PDE9A: variants seen among roughly 807,000 people sequenced by gnomAD.
PDE9A encodes phosphodiesterase 9A, also known as high affinity cGMP-specific 3',5'-cyclic phosphodiesterase 9A.
PDE9A carries 60 observed loss-of-function variants against 87.4 expected under a neutral mutation model. The observed-to-expected ratio is 0.69, with a 90% CI of 0.56 to 0.85. The LOEUF (loss-of-function observed/expected upper bound fraction) is 0.85. Among genes scored for constraint, PDE9A ranks in the 40% least tolerant of loss-of-function variants. PDE9A has a pLI of 0.00. For missense variants in PDE9A, 665 were observed against 779.0 expected, an observed-to-expected ratio of 0.85 and a Z score of 1.74; for synonymous variants, 272 against 279.4, an observed-to-expected ratio of 0.97 and a Z score of 0.27.
intron 4 of PDE9A, among the ~76,000 whole-genome samples, chr21:42,721,070 A>G (rs1354952344): frequency 6.6e-6 from 1 of 152,020 alleles, no homozygotes; most frequent in Non-Finnish European, 1.5e-5. Flanking sequence ...AGAGCATAGT[A>G]ACAGCTCCTT....
intron 4 of PDE9A, chr21:42,724,480 G>A: frequency 4.9e-6 from 2 of 408,214 alleles, no homozygotes; most frequent in Non-Finnish European, 6.6e-6. Flanking sequence ...CCCACTTCCT[G>A]ATCAGGGCTC....
chr21:42,737,201 G>A (rs943021730), intron 7 of PDE9A, among the ~76,000 whole-genome samples: 1 of 152,218 alleles, frequency 6.6e-6, no homozygotes, highest in Non-Finnish European at 1.5e-5. Context: ...CGATGCACAG[G>A]GCCTGGGCCA....
chr21:42,760,854 C>T lies in PDE9A; in HGVS notation c.1032C>T (p.Ile344=). The part of the protein sequence containing the change: ...QEKFSQTDIL[I]LMTAAICHDL... ...AGTTCTCACAAACGGATATCCTGAT[C>T]CTAATGACAGCGGCCATCTGCCACG... Residue 344 remains isoleucine (I), a synonymous_variant, in exon 13 of 20, where the codon ATC becomes ATT. Coordinates refer to ENST00000291539, the MANE Select transcript of PDE9A (RefSeq NM_002606.3). This position sits in a 1 kb window ranked among gnomAD's most constrained non-coding sequence, Gnocchi z 5.2. 1 of 1,610,426 alleles carries T rather than the reference C, an allele frequency of 6.2e-7. No individual in the cohort carries two copies. The highest frequency in any genetic ancestry group is 2.2e-5 in the East Asian group (1 of 44,740).
intron 3 of PDE9A, chr21:42,689,978 G>C: frequency 4.1e-6 from 4 of 985,188 alleles, no homozygotes; most frequent in Non-Finnish European, 4.8e-6. Flanking sequence ...TGAGGATACA[G>C]GTGAAGAAGA....
Position 42,702,420 on chromosome 21 carries a change from G to A in PDE9A, c.262+3409G>A, listed in dbSNP as rs1473956879. 6.6e-6 allele frequency among the ~76,000 whole-genome samples: 1 copy of A among 151,722 alleles called. No individual in the cohort carries two copies. Among genetic ancestry groups the A allele is most frequent in the Non-Finnish European group, 1.5e-5 (1 of 67,988 alleles). ...CATTATAATTCTGTTTCATGCCATT[G>A]TCTGCTGGTTTCCTCCTCTCTGCCA... On this transcript the variant is annotated intron_variant, in intron 4 of 19. Transcript: ENST00000291539. The surrounding 1 kb of genome is among the most constrained non-coding windows in gnomAD (Gnocchi z 4.9).
At chr21:42,670,475 T>C (rs1402380342) in intron 1 of PDE9A, among the ~76,000 whole-genome samples, 1 of 149,358 alleles carries the variant, frequency 6.7e-6, no homozygotes, top group East Asian at 2.0e-4. Flanking sequence ...CACATAGACT[T>C]ACACACATAC....
intron 6 of PDE9A, among the ~76,000 whole-genome samples, chr21:42,732,544 A>C (rs1435878273): frequency 6.6e-6 from 1 of 152,188 alleles, no homozygotes; most frequent in African/African-American, 2.4e-5. Flanking sequence ...CCATTTCTCA[A>C]ACTGACTTCT....
chr21:42,656,123 C>T (rs1172570504), intron 1 of PDE9A, among the ~76,000 whole-genome samples: 1 of 152,160 alleles, frequency 6.6e-6, no homozygotes, highest in Non-Finnish European at 1.5e-5. Context: ...CTGGAATTTC[C>T]AGCGTGAATC....
chr21:42,666,756 G>A (rs948989773), intron 1 of PDE9A, among the ~76,000 whole-genome samples: 8 of 152,232 alleles, frequency 5.3e-5, no homozygotes, highest in East Asian at 1.9e-4. Context: ...ATATCGTGAA[G>A]TGCTGGGGTC....
intron 3 of PDE9A, among the ~76,000 whole-genome samples, chr21:42,691,311 C>T (rs992098675): frequency 1.3e-5 from 2 of 151,464 alleles, no homozygotes; most frequent in African/African-American, 4.9e-5. Context: ...GTCACGCATC[C>T]TGTCACTATC....
chr21:42,667,110 A>G (rs2058057743), intron 1 of PDE9A, among the ~76,000 whole-genome samples: 2 of 151,708 alleles, frequency 1.3e-5, no homozygotes, highest in Non-Finnish European at 1.5e-5. Flanking sequence ...GCCAGGGGTG[A>G]AGGGCCATGC....
rs920965170 is a variant in PDE9A, at chr21:42,704,353, C to A, written c.262+5342C>A. ...CCCGCCTCTGGGTGCGTGGGGACCCCGCTCTCCAAATAGGCCAGTGTTCCA... is the reference window on the plus strand; with the variant it reads ...CCCGCCTCTGGGTGCGTGGGGACCCAGCTCTCCAAATAGGCCAGTGTTCCA... On this transcript the variant is annotated intron_variant, in intron 4 of 19. Coordinates refer to ENST00000291539, the MANE Select transcript of PDE9A (RefSeq NM_002606.3). The surrounding 1 kb of genome is among the most constrained non-coding windows in gnomAD (Gnocchi z 5.3). Among the ~76,000 whole-genome samples, 1 of 151,942 alleles carries A rather than the reference C, an allele frequency of 6.6e-6. No homozygotes were observed. The highest frequency in any genetic ancestry group is 2.4e-5 in the African/African-American group (1 of 41,344).
intron 4 of PDE9A, among the ~76,000 whole-genome samples, chr21:42,707,004 G>A (rs976940976): frequency 4.6e-5 from 7 of 152,120 alleles, no homozygotes; most frequent in Admixed American, 2.0e-4. Context: ...GCTGTGTCAC[G>A]TGGCTACGTC....
chr21:42,766,229 G>A (rs775208528), intron 15 of PDE9A, among the ~76,000 whole-genome samples: 29 of 152,328 alleles, frequency 1.9e-4, no homozygotes, highest in African/African-American at 4.8e-4. Context: ...TTGGGAGGCA[G>A]AGGTGGGAGG....
intron 1 of PDE9A, among the ~76,000 whole-genome samples, chr21:42,661,199 T>C (rs2057456020): frequency 1.3e-5 from 2 of 152,072 alleles, no homozygotes; most frequent in Admixed American, 6.6e-5. Flanking sequence ...GCCCGGCTAA[T>C]TTTTTATTTT....
At chr21:42,755,684 A>C (rs945654096) in intron 10 of PDE9A, among the ~76,000 whole-genome samples, 1 of 152,234 alleles carries the variant, frequency 6.6e-6, no homozygotes, top group Non-Finnish European at 1.5e-5. Context: ...GGGTCCCTGC[A>C]CAGCTGCTGA....
chr21:42,753,013 AT>A (rs768648233), intron 9 of PDE9A, among the ~76,000 whole-genome samples: 10 of 151,436 alleles, frequency 6.6e-5, no homozygotes, highest in Non-Finnish European at 1.3e-4. Flanking sequence ...CCCTTTTTTT[AT>A]TATTATTTTT....
chr21:42,657,401 C>T (rs527705475), intron 1 of PDE9A, among the ~76,000 whole-genome samples: 1 of 152,354 alleles, frequency 6.6e-6, no homozygotes, highest in East Asian at 1.9e-4. Context: ...GGTCCCCAAA[C>T]CTAGGGTGCT....
intron 1 of PDE9A, among the ~76,000 whole-genome samples, chr21:42,684,939 T>G (rs2059365022): frequency 6.6e-6 from 1 of 151,870 alleles, no homozygotes; most frequent in Non-Finnish European, 1.5e-5. Flanking sequence ...TTTTCTATAT[T>G]TCACTGTTTC....
Sources: gnomAD v4.1 joint callset for allele counts (sites outside exome capture counted in the v4.1 genomes callset) on GRCh38, gnomAD v4.1.1 for gene constraint, Gnocchi (gnomAD v3.1) non-coding constraint, MANE v1.5 for transcripts, NCBI Gene and HGNC (gene_info 2026-07-23, HGNC 2026-07-21) for gene names.